TTC23L: variants seen among roughly 807,000 people sequenced by gnomAD.
The protein encoded by TTC23L is tetratricopeptide repeat protein 23-like.
In TTC23L, 42 loss-of-function variants were observed where a neutral mutation model predicts 48.1. The ratio of observed to expected loss-of-function variants is 0.87; its 90% CI spans 0.68 to 1.13. TTC23L has a LOEUF of 1.13. Ranked by LOEUF, TTC23L falls within the 50% of genes most tolerant of loss-of-function variation. The pLI is 0.00. For missense variants in TTC23L, 391 were observed against 421.0 expected (o/e 0.93, Z 0.62); for synonymous variants, 159 against 157.2 (o/e 1.01, Z -0.09).
At chr5:34,915,230 A>C in the TTC23L span, 1 of 316,538 alleles carries the variant, frequency 3.2e-6, no homozygotes, top group Non-Finnish European at 5.9e-6. Context: ...GGAGCTACAA[A>C]TCCGCGGGGA....
exon 10 of TTC23L, chr5:34,896,826 C>A (rs532465255): frequency 2.7e-6 from 2 of 745,546 alleles, no homozygotes; most frequent in East Asian, 5.0e-5. Flanking sequence ...AGAAGGAACT[C>A]TACATACAAA....
At chr5:34,866,427 T>A (rs541481725) in intron 6 of TTC23L, among the ~76,000 whole-genome samples, 1 of 152,238 alleles carries the variant, frequency 6.6e-6, no homozygotes, top group South Asian at 2.1e-4. Context: ...ATTTATTTAA[T>A]CACTCTCTTG....
chr5:34,839,404 G>T (rs1029473916), intron 1 of TTC23L, 145 bp downstream of exon 1: 1 of 154,150 alleles, frequency 6.5e-6, no homozygotes, highest in Admixed American at 6.5e-5. Flanking sequence ...GAGCCTCCGC[G>T]GCAGAGAGGC....
At chr5:34,897,014 AAAAAAAAAAC>A (rs1763265346) in intron 10 of TTC23L, 139 bp downstream of exon 10, 2 of 537,708 alleles carry the variant, frequency 3.7e-6, no homozygotes, top group East Asian at 5.7e-5. Context: ...CATTTAAGGA[AAAAAAAAAAC>A]AAAAAAAACA....
chr5:34,860,252 A>T (rs1053674680), intron 4 of TTC23L, among the ~76,000 whole-genome samples: 4 of 152,102 alleles, frequency 2.6e-5, no homozygotes, highest in Non-Finnish European at 4.4e-5. Context: ...ACACATACAT[A>T]CACACACTTG....
chr5:34,880,347 T>C (rs1307455365), intron 9 of TTC23L, 39 bp downstream of exon 9: 1 of 1,572,914 alleles, frequency 6.4e-7, no homozygotes, highest in Non-Finnish European at 8.6e-7. Flanking sequence ...TGCTAGTTTG[T>C]TTATTAGATC....
At chr5:34,841,287 C>G (rs1329948613) in intron 2 of TTC23L, among the ~76,000 whole-genome samples, 2 of 152,066 alleles carry the variant, frequency 1.3e-5, no homozygotes, top group African/African-American at 4.8e-5. Flanking sequence ...GTAAATAAAA[C>G]TTTCGTATCG....
chr5:34,881,502 A>G (rs139649781), intron 9 of TTC23L, among the ~76,000 whole-genome samples: 180 of 152,336 alleles, frequency 1.2e-3, no homozygotes, highest in African/African-American at 4.2e-3. Context: ...ACTTCCTCAG[A>G]AGAGTGAGAA....
intron 4 of TTC23L, among the ~76,000 whole-genome samples, chr5:34,856,000 A>G (rs1760101847): frequency 6.6e-6 from 1 of 152,160 alleles, no homozygotes; most frequent in Non-Finnish European, 1.5e-5. Flanking sequence ...ATGATTATTA[A>G]AAGACAGAGA....
chr5:34,892,703 G>A (rs1011760630), intron 9 of TTC23L, among the ~76,000 whole-genome samples: 2 of 152,166 alleles, frequency 1.3e-5, no homozygotes, highest in Non-Finnish European at 2.9e-5. Flanking sequence ...GCCATTAGCA[G>A]GTAGACAAGA....
chr5:34,843,273 A>C (rs1038600981), intron 2 of TTC23L, among the ~76,000 whole-genome samples: 4 of 152,232 alleles, frequency 2.6e-5, no homozygotes, highest in African/African-American at 9.6e-5. Flanking sequence ...TGATGGTAAC[A>C]TATGGAATCA....
At chr5:34,856,525 G>A (rs980706418) in intron 4 of TTC23L, among the ~76,000 whole-genome samples, 1 of 152,196 alleles carries the variant, frequency 6.6e-6, no homozygotes, top group Non-Finnish European at 1.5e-5. Context: ...CATAAGCATG[G>A]AGGAATGTTT....
chr5:34,900,135 G>C (rs531135355), downstream of TTC23L, among the ~76,000 whole-genome samples: 1 of 152,216 alleles, frequency 6.6e-6, no homozygotes, highest in East Asian at 1.9e-4. Flanking sequence ...AACAATGCAG[G>C]GGCTAGGGCT....
chr5:34,914,038 C>T, the TTC23L span: 8 of 456,256 alleles, frequency 1.8e-5, no homozygotes, highest in Non-Finnish European at 3.1e-5. Flanking sequence ...TGCATGAGGA[C>T]AAGAACCGTG....
the TTC23L span, among the ~76,000 whole-genome samples, chr5:34,904,613 ATG>A: frequency 6.6e-6 from 1 of 151,382 alleles, no homozygotes; most frequent in African/African-American, 2.4e-5. Flanking sequence ...AAAAAAGTTT[ATG>A]TAACCTGTTC....
chr5:34,846,657 ATATG>A (rs1169551203), intron 3 of TTC23L, among the ~76,000 whole-genome samples: 1 of 100,270 alleles, frequency 1.0e-5, no homozygotes, highest in Non-Finnish European at 2.1e-5. Context: ...ACAAATACAT[ATATG>A]TGTGTATGTG....
the TTC23L span, chr5:34,911,712 T>C: frequency 2.5e-6 from 4 of 1,614,130 alleles, no homozygotes; most frequent in South Asian, 4.4e-5. Context: ...CAGGTTCCTG[T>C]GTATTGATTT....
intron 9 of TTC23L, among the ~76,000 whole-genome samples, chr5:34,881,955 C>T (rs2111679139): frequency 6.6e-6 from 1 of 151,894 alleles, no homozygotes; most frequent in Non-Finnish European, 1.5e-5. Flanking sequence ...GGGGTTTAAT[C>T]CTGTTGGTCA....
intron 2 of TTC23L, among the ~76,000 whole-genome samples, chr5:34,844,803 ACACAACTAGGGATATTTCTCCTC>A (rs1758974439): frequency 6.6e-6 from 1 of 151,946 alleles, no homozygotes. Flanking sequence ...GTTCTTTTTA[ACACAACTAGGGATATTTCTCCTC>A]TGAATCTGCA....
Sources: gnomAD v4.1 joint callset for allele counts (sites outside exome capture counted in the v4.1 genomes callset) on GRCh38, gnomAD v4.1.1 for gene constraint, MANE v1.5 for transcripts, NCBI Gene and HGNC (gene_info 2026-07-23, HGNC 2026-07-21) for gene names.